The following CYTH4 variants were observed in gnomAD, a reference collection of about 807,000 sequenced individuals.
CYTH4 encodes the protein cytohesin-4.
Under a neutral mutation model 57.5 loss-of-function variants are expected in CYTH4, and 22 were observed. The ratio of observed to expected loss-of-function variants is 0.38; its 90% CI spans 0.27 to 0.55. The LOEUF (loss-of-function observed/expected upper bound fraction) is 0.55. Among genes scored for constraint, CYTH4 ranks in the 20% least tolerant of loss-of-function variants. CYTH4 has a pLI of 0.74. For missense variants in CYTH4, 420 were observed against 535.6 expected, an observed-to-expected ratio of 0.78 and a Z score of 2.13; for synonymous variants, 186 against 206.5, an observed-to-expected ratio of 0.90 and a Z score of 0.85.
chr22:37,303,376 A>G lies in CYTH4; in HGVS notation c.670A>G (p.Ser224Gly). 6.2e-7 allele frequency: 1 copy of G among 1,613,990 alleles called. No homozygotes were observed. ...VSMNRGINNGSDLPEDQLRNL... is the reference protein window; with the variant it reads ...VSMNRGINNGGDLPEDQLRNL... Reference sequence around the variant, plus strand: ...CATGAACCGCGGCATCAACAATGGTAGCGACCTGCCCGAGGACCAGCTGCG... The same window carrying G: ...CATGAACCGCGGCATCAACAATGGTGGCGACCTGCCCGAGGACCAGCTGCG... Residue 224 changes from serine to glycine, a missense_variant, in exon 8 of 13, where the codon AGC (serine) becomes GGC (glycine). Ser to Gly is a moderately conservative substitution (Grantham distance 56). Transcript: ENST00000248901.
chr22:37,305,347 C>G (rs758808106), intron 8 of CYTH4, among the ~76,000 whole-genome samples: 13 of 152,146 alleles, frequency 8.5e-5, no homozygotes, highest in Non-Finnish European at 1.8e-4. Context: ...GTTTAGGAAG[C>G]CCTTATTATC....
intron 2 of CYTH4, 127 bp downstream of exon 2, chr22:37,292,830 C>T (rs532038103): frequency 2.1e-5 from 18 of 840,762 alleles, no homozygotes; most frequent in South Asian, 1.4e-4. Context: ...ATATCAGCCT[C>T]GGCCCCAGCC....
At chr22:37,308,743 CATGT>C (rs2145869786) in intron 8 of CYTH4, among the ~76,000 whole-genome samples, 1 of 147,712 alleles carries the variant, frequency 6.8e-6, no homozygotes, top group African/African-American at 2.5e-5. Context: ...AGTATGCATG[CATGT>C]GTGTGCATGT....
chr22:37,299,947 C>T (rs1929120002), intron 6 of CYTH4: 1 of 667,100 alleles, frequency 1.5e-6, no homozygotes, highest in South Asian at 1.6e-5. Context: ...GACAAGATCA[C>T]ACCACTGCAC....
At position 37,292,831 on chromosome 22, in the gene CYTH4, G is replaced by A. The variant is rs1012024818; in HGVS notation, c.102+128G>A. ...GCCAACTCTGGCTCATATCAGCCTC[G>A]GCCCCAGCCCCAGGAGCAGGGAGAA... On this transcript the variant is annotated intron_variant, in intron 2 of 12. Transcript: ENST00000248901. 5.7e-5 allele frequency: 48 copies of A among 845,288 alleles called. 1 individual carries two copies. Among genetic ancestry groups the A allele is most frequent in the Non-Finnish European group, 7.4e-5 (41 of 552,442 alleles). 52.4% of individuals were successfully genotyped at this position (845,288 alleles called of 1,614,324 possible).
chr22:37,299,923 G>A, intron 6 of CYTH4: 1 of 622,844 alleles, frequency 1.6e-6, no homozygotes, highest in Middle Eastern at 4.2e-4. Context: ...CCTGGGAGGT[G>A]GAGGTTGTAG....
intron 8 of CYTH4, among the ~76,000 whole-genome samples, chr22:37,306,168 C>A (rs1929384923): frequency 6.6e-6 from 1 of 152,174 alleles, no homozygotes; most frequent in South Asian, 2.1e-4. Context: ...AGAGGAACCA[C>A]CCACCCTGAG....
chr22:37,308,259 G>A (rs1929473099), intron 8 of CYTH4, among the ~76,000 whole-genome samples: 1 of 152,220 alleles, frequency 6.6e-6, no homozygotes. Context: ...CATGGCTTTT[G>A]CCAAGGTTGC....
chr22:37,301,453 G>T (rs1453216248), intron 7 of CYTH4, among the ~76,000 whole-genome samples: 1 of 152,052 alleles, frequency 6.6e-6, no homozygotes, highest in Admixed American at 6.6e-5. Flanking sequence ...CCTGGGCAGG[G>T]TGTAGGGGGC....
At chr22:37,312,801 G>A (rs1929695119) in intron 12 of CYTH4, among the ~76,000 whole-genome samples, 2 of 152,176 alleles carry the variant, frequency 1.3e-5, no homozygotes, top group East Asian at 1.9e-4. Flanking sequence ...GGAGAGACAT[G>A]AGGAAGATGC....
chr22:37,310,715 G>A (rs1929606559), intron 9 of CYTH4, among the ~76,000 whole-genome samples: 1 of 152,242 alleles, frequency 6.6e-6, no homozygotes, highest in East Asian at 1.9e-4. Context: ...GGAAGAGCAG[G>A]AACTGGCCAT....
At chr22:37,297,960 C>T (rs536573895) in intron 5 of CYTH4, 28 of 274,454 alleles carry the variant, frequency 1.0e-4, no homozygotes, top group African/African-American at 5.0e-4. Flanking sequence ...ACAGACAAAA[C>T]TCTTGTCCTC....
At chr22:37,294,767 CT>C (rs768930356) in intron 3 of CYTH4, 43 bp downstream of exon 3, 3 of 1,609,560 alleles carry the variant, frequency 1.9e-6, no homozygotes, top group Non-Finnish European at 2.6e-6. Context: ...GCCATGGTTG[CT>C]TCCCAAGGAT....
intron 1 of CYTH4, among the ~76,000 whole-genome samples, chr22:37,283,072 A>G (rs1928422629): frequency 6.6e-6 from 1 of 152,176 alleles, no homozygotes; most frequent in South Asian, 2.1e-4. Context: ...TGCGATTAAG[A>G]TGATGATGGG....
intron 8 of CYTH4, chr22:37,304,273 C>T: frequency 2.2e-6 from 1 of 456,630 alleles, no homozygotes; most frequent in Non-Finnish European, 4.4e-6. Context: ...GGAGAGGTGT[C>T]CAGTGTGGCC....
At chr22:37,288,014 C>T (rs1004464743) in intron 1 of CYTH4, among the ~76,000 whole-genome samples, 5 of 152,302 alleles carry the variant, frequency 3.3e-5, no homozygotes, top group African/African-American at 1.2e-4. Flanking sequence ...CACAGTGGCT[C>T]ACACCTGTAA....
intron 9 of CYTH4, 92 bp downstream of exon 9, chr22:37,309,415 C>T: frequency 3.5e-6 from 4 of 1,128,878 alleles, no homozygotes; most frequent in Non-Finnish European, 5.3e-6. Context: ...GCACAGGCCC[C>T]CAGCTGACAC....
intron 1 of CYTH4, among the ~76,000 whole-genome samples, chr22:37,284,363 A>T (rs749279723): frequency 5.9e-5 from 9 of 152,190 alleles, no homozygotes; most frequent in Non-Finnish European, 1.3e-4. Context: ...GGCAGGAGCC[A>T]CATCCTGCAG....
chr22:37,297,618 G>A lies in CYTH4; in HGVS notation c.289G>A (p.Ala97Thr), dbSNP rs1929024441. ...KLLTPDVQDI[A>T]RFLYKGEGLN... is the part of the protein sequence containing the mutation. ...GCTGACCCCTGACGTCCAGGACATT[G>A]CACGGTTCCTGTATAAAGGCGAGGG... The change falls in exon 5 of 13, where the codon GCA (alanine) becomes ACA (threonine). Residue 97 changes from alanine to threonine, a missense_variant. Ala to Thr is a moderately conservative substitution (Grantham distance 58). Transcript: ENST00000248901. 6.2e-7 allele frequency: 1 copy of A among 1,613,970 alleles called. No homozygotes were observed. The highest frequency in any genetic ancestry group is 2.2e-5 in the East Asian group (1 of 44,876).
Sources: allele counts gnomAD v4.1 joint callset (sites outside exome capture counted in the v4.1 genomes callset), GRCh38; gene constraint gnomAD v4.1.1; transcripts MANE v1.5; gene names NCBI Gene and HGNC (gene_info 2026-07-23, HGNC 2026-07-21).